The following KCNJ3 variants were observed in gnomAD, a reference collection of about 807,000 sequenced individuals.
The protein encoded by KCNJ3 is potassium inwardly rectifying channel subfamily J member 3.
In KCNJ3, 4 loss-of-function variants were observed where a neutral mutation model predicts 39.2. That is an observed-to-expected ratio of 0.10 (90% CI 0.05 to 0.23). KCNJ3 has a LOEUF of 0.23. KCNJ3 is among the 10% of genes least tolerant of loss of function. The probability of loss-of-function intolerance (pLI) is 1.00; values close to 1 mark genes in which losing one functional copy is unlikely to be tolerated. For synonymous variants in KCNJ3, 230 were observed against 237.4 expected, an observed-to-expected ratio of 0.97 and a Z score of 0.29; for missense variants, 276 against 634.9, an observed-to-expected ratio of 0.43 and a Z score of 6.08.
intron 2 of KCNJ3, among the ~76,000 whole-genome samples, chr2:154,721,828 G>T (rs895323462): frequency 1.3e-5 from 2 of 152,086 alleles, no homozygotes; most frequent in African/African-American, 4.8e-5. Context: ...CAACTTGTCT[G>T]TCTTCTCAGA....
At chr2:154,788,733 T>C (rs891949976) in intron 2 of KCNJ3, among the ~76,000 whole-genome samples, 2 of 152,058 alleles carry the variant, frequency 1.3e-5, no homozygotes, top group South Asian at 4.1e-4. Flanking sequence ...CCATAGATTT[T>C]AATATGGGTG....
At chr2:154,742,693 G>A (rs1179295114) in intron 2 of KCNJ3, among the ~76,000 whole-genome samples, 6 of 151,730 alleles carry the variant, frequency 4.0e-5, no homozygotes, top group Admixed American at 3.9e-4. Context: ...GTCTATTCAA[G>A]TTCTTTGCTC....
intron 2 of KCNJ3, among the ~76,000 whole-genome samples, chr2:154,813,258 A>C (rs1421589207): frequency 3.3e-5 from 5 of 152,090 alleles, no homozygotes; most frequent in African/African-American, 1.2e-4. Context: ...TCTTTTCTAC[A>C]TGCAAATTAT....
At chr2:154,850,022 T>TTTTTG (rs1558891303) in intron 2 of KCNJ3, among the ~76,000 whole-genome samples, 3 of 121,510 alleles carry the variant, frequency 2.5e-5, no homozygotes, top group Non-Finnish European at 5.2e-5. Flanking sequence ...TTTTTTTTTT[T>TTTTTG]TTTTTTTTTT....
At chr2:154,793,883 G>T (rs1686678237) in intron 2 of KCNJ3, among the ~76,000 whole-genome samples, 1 of 151,966 alleles carries the variant, frequency 6.6e-6, no homozygotes, top group Admixed American at 6.6e-5. Context: ...TATGTAATTG[G>T]ATTTAATGCC....
At chr2:154,746,231 G>A (rs947918087) in intron 2 of KCNJ3, among the ~76,000 whole-genome samples, 1 of 151,560 alleles carries the variant, frequency 6.6e-6, no homozygotes, top group African/African-American at 2.4e-5. Context: ...TAAAATATTT[G>A]TTAATTGACT....
chr2:154,706,816 C>T (rs1230391713), intron 1 of KCNJ3, among the ~76,000 whole-genome samples: 1 of 152,060 alleles, frequency 6.6e-6, no homozygotes, highest in Non-Finnish European at 1.5e-5. Flanking sequence ...AAGATAAGTT[C>T]GCTGTAGTCA....
intron 2 of KCNJ3, among the ~76,000 whole-genome samples, chr2:154,722,595 C>A (rs1010783666): frequency 6.6e-6 from 1 of 152,088 alleles, no homozygotes; most frequent in Non-Finnish European, 1.5e-5. Context: ...GGCTGGAAAA[C>A]GTAGCACTTT....
chr2:154,764,930 A>G (rs1216639812), intron 2 of KCNJ3, among the ~76,000 whole-genome samples: 1 of 152,162 alleles, frequency 6.6e-6, no homozygotes, highest in Non-Finnish European at 1.5e-5. Context: ...GGAAATGGCC[A>G]TTGATGCTCT....
intron 2 of KCNJ3, among the ~76,000 whole-genome samples, chr2:154,742,021 A>G (rs1685662388): frequency 6.6e-6 from 1 of 151,822 alleles, no homozygotes; most frequent in African/African-American, 2.4e-5. Context: ...TGTACCTGTT[A>G]AACAATAACT....
chr2:154,770,188 T>G (rs1413694972), intron 2 of KCNJ3, among the ~76,000 whole-genome samples: 1 of 152,230 alleles, frequency 6.6e-6, no homozygotes, highest in Admixed American at 6.5e-5. Context: ...TGAGCTTTAC[T>G]TTGCTTCATT....
At chr2:154,850,415 T>TCAA (rs1687739338) in intron 2 of KCNJ3, among the ~76,000 whole-genome samples, 1 of 152,176 alleles carries the variant, frequency 6.6e-6, no homozygotes, top group African/African-American at 2.4e-5. Flanking sequence ...CTTTAAATCT[T>TCAA]CTCAGTTGAA....
At chr2:154,728,536 T>TTTTTGGGAATATATGGGAATA (rs1553455205) in intron 2 of KCNJ3, among the ~76,000 whole-genome samples, 13 of 152,218 alleles carry the variant, frequency 8.5e-5, no homozygotes, top group African/African-American at 3.1e-4. Flanking sequence ...ATGTGGTTGA[T>TTTTTGGGAATATATGGGAATA]TCCTGGAAAC....
At chr2:154,838,472 G>A (rs1446657190) in intron 2 of KCNJ3, among the ~76,000 whole-genome samples, 2 of 152,108 alleles carry the variant, frequency 1.3e-5, no homozygotes, top group African/African-American at 4.8e-5. Flanking sequence ...AAAAAGAACA[G>A]TACATACTTC....
intron 2 of KCNJ3, among the ~76,000 whole-genome samples, chr2:154,760,693 A>G (rs977690267): frequency 1.3e-5 from 2 of 150,794 alleles, no homozygotes. Flanking sequence ...AGCTAGGATT[A>G]CAGGCTCATG....
intron 2 of KCNJ3, among the ~76,000 whole-genome samples, chr2:154,788,462 T>C (rs1295190122): frequency 1.3e-5 from 2 of 152,128 alleles, no homozygotes; most frequent in Non-Finnish European, 2.9e-5. Flanking sequence ...TGGTGGTCTT[T>C]TTGAATTTTG....
In KCNJ3 at chr2:154,699,495, C is replaced by T; in HGVS notation, c.702+18C>T. 6.4e-7 allele frequency: 1 copy of T among 1,551,462 alleles called. No individual in the cohort carries two copies. Among genetic ancestry groups the T allele is most frequent in the Non-Finnish European group, 8.7e-7 (1 of 1,153,624 alleles). On this transcript the variant is annotated intron_variant, in intron 1 of 2. Transcript: ENST00000295101. This position sits in a 1 kb window ranked among gnomAD's most constrained non-coding sequence, Gnocchi z 6.4. The stretch of plus-strand genomic sequence containing the variant: ...TGCTCAAAGTAAGTGCTCCCCGCCC[C>T]TTCCCCACCGGGAGACCTGCGTCCC...
chr2:154,822,325 A>T (rs1550798), intron 2 of KCNJ3, among the ~76,000 whole-genome samples: 68,711 of 151,966 alleles, frequency 0.45, 16,525 homozygotes, highest in Non-Finnish European at 0.55. Flanking sequence ...CTATTTTTTA[A>T]CTGTGTGCCT....
chr2:154,835,352 T>A (rs1687438513), intron 2 of KCNJ3, among the ~76,000 whole-genome samples: 1 of 151,280 alleles, frequency 6.6e-6, no homozygotes, highest in African/African-American at 2.4e-5. Context: ...TTTTTTTGTT[T>A]ACTATTCAAA....
Sources: allele counts gnomAD v4.1 joint callset (sites outside exome capture counted in the v4.1 genomes callset), GRCh38; gene constraint gnomAD v4.1.1; non-coding constraint Gnocchi (gnomAD v3.1); transcripts MANE v1.5; gene names NCBI Gene and HGNC (gene_info 2026-07-23, HGNC 2026-07-21).